RAPGEF5: variants seen among roughly 807,000 people sequenced by gnomAD.
RAPGEF5 encodes the protein Rap guanine nucleotide exchange factor 5, also known as M-Ras-regulated GEF.
Under a neutral mutation model 125.2 loss-of-function variants are expected in RAPGEF5, and 65 were observed. The observed-to-expected ratio is 0.52, with a 90% CI of 0.43 to 0.64. The LOEUF (loss-of-function observed/expected upper bound fraction) is 0.64, where lower values mean the gene tolerates loss of function less well. Among genes scored for constraint, RAPGEF5 ranks in the 30% least tolerant of loss-of-function variants. The pLI, the probability that RAPGEF5 is intolerant of heterozygous loss-of-function variation, is 0.00. For missense variants in RAPGEF5, 958 were observed against 1,048.1 expected (o/e 0.91, Z 1.19); for synonymous variants, 391 against 385.9 (o/e 1.01, Z -0.16).
In RAPGEF5 at chr7:22,286,406, A is replaced by G. The variant is rs546400081; in HGVS notation, c.747+4769T>C. The stretch of plus-strand genomic sequence containing the variant: ...GTGTTTGACAATTAGACTATGAACA[A>G]AAGTCACAAATTTCATTCAAACCCA... On this transcript the variant is annotated intron_variant, in intron 6 of 25. Coordinates refer to ENST00000665637, the MANE Select transcript of RAPGEF5 (RefSeq NM_012294.5). 3.3e-5 allele frequency among the ~76,000 whole-genome samples: 5 copies of G among 152,348 alleles called. No homozygotes were observed. The South Asian group carries it at 1.0e-3, about 32-fold the overall frequency.
intron 1 of RAPGEF5, among the ~76,000 whole-genome samples, chr7:22,354,333 T>C (rs1477190246): frequency 6.6e-6 from 1 of 152,170 alleles, no homozygotes; most frequent in Non-Finnish European, 1.5e-5. Context: ...AACTTATCCC[T>C]GAAGTCACGC....
chr7:22,269,937 C>T (rs1351975766), intron 6 of RAPGEF5, among the ~76,000 whole-genome samples: 1 of 152,138 alleles, frequency 6.6e-6, no homozygotes, highest in South Asian at 2.1e-4. Flanking sequence ...AGGGAAAGGA[C>T]ACAAACCTTC....
intron 18 of RAPGEF5, among the ~76,000 whole-genome samples, chr7:22,148,200 C>T (rs756643715): frequency 2.6e-5 from 4 of 152,190 alleles, no homozygotes; most frequent in African/African-American, 4.8e-5. Flanking sequence ...CAGACAGGCT[C>T]TACTGCTGAC....
At position 22,122,262 on chromosome 7, in the gene RAPGEF5, G is replaced by C. The variant is rs1025774078; in HGVS notation, c.*144C>G. On this transcript the variant is annotated 3_prime_UTR_variant, in exon 26 of 26. Transcript: ENST00000665637. ...GTGGCTGACATCACTTCCTGAACAC[G>C]CTTTGGCTGGCTTTCCTGTGAATGT... 4 of 637,058 alleles carry C rather than the reference G, an allele frequency of 6.3e-6. No individual in the cohort carries two copies. Among genetic ancestry groups the C allele is most frequent in the Non-Finnish European group, 1.1e-5 (4 of 369,770 alleles). 39.5% of individuals were successfully genotyped at this position (637,058 alleles called of 1,614,324 possible).
At chr7:22,295,662 T>C (rs963570511) in intron 5 of RAPGEF5, among the ~76,000 whole-genome samples, 2 of 152,138 alleles carry the variant, frequency 1.3e-5, no homozygotes, top group Non-Finnish European at 2.9e-5. Flanking sequence ...TCATAACACT[T>C]TTTACAAAAA....
At chr7:22,318,133 G>T in intron 1 of RAPGEF5, 96 bp from the exon 2 acceptor site, 5 of 1,173,748 alleles carry the variant, frequency 4.3e-6, no homozygotes, top group South Asian at 1.9e-5. Context: ...GCAGGCCTCT[G>T]CTATGAAAAA....
chr7:22,312,987 C>T (rs1783508325), intron 3 of RAPGEF5, among the ~76,000 whole-genome samples: 1 of 152,162 alleles, frequency 6.6e-6, no homozygotes, highest in African/African-American at 2.4e-5. Context: ...TAAACACAGA[C>T]AGCAGTTCCT....
At chr7:22,135,329 T>A (rs1175982456) in intron 23 of RAPGEF5, among the ~76,000 whole-genome samples, 1 of 152,190 alleles carries the variant, frequency 6.6e-6, no homozygotes, top group Non-Finnish European at 1.5e-5. Context: ...CCTGGAAGCA[T>A]ACAGGTAAAG....
intron 7 of RAPGEF5, among the ~76,000 whole-genome samples, chr7:22,250,592 C>T (rs576828271): frequency 1.2e-4 from 19 of 152,154 alleles, no homozygotes; most frequent in African/African-American, 2.9e-4. Context: ...CTGGGTCATA[C>T]GGCCAGGACA....
chr7:22,333,937 C>T (rs915335992), intron 1 of RAPGEF5, among the ~76,000 whole-genome samples: 3 of 151,798 alleles, frequency 2.0e-5, no homozygotes, highest in South Asian at 4.2e-4. Context: ...CCCCAAGAAA[C>T]GGTTAAACTA....
chr7:22,150,234 C>G (rs1040399254), intron 18 of RAPGEF5, among the ~76,000 whole-genome samples, 173 bp downstream of exon 18: 6 of 151,770 alleles, frequency 4.0e-5, no homozygotes, highest in African/African-American at 1.5e-4. Flanking sequence ...TACTACTATG[C>G]CCAGTTAATT....
intron 11 of RAPGEF5, among the ~76,000 whole-genome samples, chr7:22,176,531 T>G (rs1347563497): frequency 1.3e-5 from 2 of 152,152 alleles, no homozygotes; most frequent in African/African-American, 4.8e-5. Flanking sequence ...GTTTGTTTGT[T>G]TGTTTATTTT....
At chr7:22,148,527 T>C (rs902154042) in intron 18 of RAPGEF5, among the ~76,000 whole-genome samples, 1 of 152,228 alleles carries the variant, frequency 6.6e-6, no homozygotes, top group African/African-American at 2.4e-5. Flanking sequence ...TCCCTTACAA[T>C]GTTAGATTTT....
chr7:22,125,237 G>A (rs1782699783), intron 25 of RAPGEF5: 2 of 178,342 alleles, frequency 1.1e-5, no homozygotes, highest in South Asian at 2.6e-4. Flanking sequence ...AAAGAGGTTA[G>A]GGGCAAGGTC....
chr7:22,271,396 C>T (rs1380673701), intron 6 of RAPGEF5, among the ~76,000 whole-genome samples: 2 of 152,158 alleles, frequency 1.3e-5, no homozygotes, highest in Non-Finnish European at 2.9e-5. Flanking sequence ...CTTTGTCCTC[C>T]TCTAATTTAA....
intron 24 of RAPGEF5, among the ~76,000 whole-genome samples, chr7:22,126,118 C>T (rs1170991719): frequency 6.6e-6 from 1 of 152,150 alleles, no homozygotes; most frequent in Non-Finnish European, 1.5e-5. Context: ...CACTACACTC[C>T]AGCCTGGGTG....
intron 7 of RAPGEF5, among the ~76,000 whole-genome samples, chr7:22,261,199 C>T (rs959135383): frequency 6.6e-6 from 1 of 151,594 alleles, no homozygotes; most frequent in African/African-American, 2.4e-5. Flanking sequence ...GAGATATATA[C>T]AAAAATATAC....
chr7:22,249,537 G>A (rs377447479), intron 7 of RAPGEF5, among the ~76,000 whole-genome samples: 2 of 152,108 alleles, frequency 1.3e-5, no homozygotes, highest in South Asian at 2.1e-4. Flanking sequence ...GAAAAGCCTT[G>A]ACAAGTTTAG....
chr7:22,278,991 T>C (rs1782616715), intron 6 of RAPGEF5, among the ~76,000 whole-genome samples: 1 of 152,118 alleles, frequency 6.6e-6, no homozygotes, highest in Non-Finnish European at 1.5e-5. Context: ...CACAGATCTC[T>C]TATATGTGTT....
Sources: gnomAD v4.1 joint callset for allele counts (sites outside exome capture counted in the v4.1 genomes callset) on GRCh38, gnomAD v4.1.1 for gene constraint, MANE v1.5 for transcripts, NCBI Gene and HGNC (gene_info 2026-07-23, HGNC 2026-07-21) for gene names.